Variants in DST observed in about 807,000 individuals in gnomAD.
DST encodes the protein dystonin, also known as bullous pemphigoid antigen.
Under a neutral mutation model 875.2 loss-of-function variants are expected in DST, and 253 were observed. That is an observed-to-expected ratio of 0.29 (90% CI 0.26 to 0.32). The LOEUF (loss-of-function observed/expected upper bound fraction) is 0.32. DST is among the 10% of genes least tolerant of loss of function. DST has a pLI of 1.00. For synonymous variants in DST, 3,124 were observed against 3,197.1 expected (o/e 0.98, Z 0.77); for missense variants, 8,287 against 9,111.6 (o/e 0.91, Z 3.68).
chr6:56,744,924 G>A (rs2099568225), intron 4 of DST, among the ~76,000 whole-genome samples: 1 of 152,080 alleles, frequency 6.6e-6, no homozygotes, highest in Non-Finnish European at 1.5e-5. Flanking sequence ...CATCATTATG[G>A]TTTATTTCTA....
chr6:56,891,194 A>G (rs1787222050), intron 3 of DST, among the ~76,000 whole-genome samples: 1 of 152,212 alleles, frequency 6.6e-6, no homozygotes, highest in Non-Finnish European at 1.5e-5. Context: ...CAAGGAGCCA[A>G]CAGCCTTCTC....
At chr6:56,630,670 G>A (rs772089722) in intron 30 of DST, among the ~76,000 whole-genome samples, 2 of 152,042 alleles carry the variant, frequency 1.3e-5, no homozygotes, top group Non-Finnish European at 2.9e-5. Flanking sequence ...TACAACTGCT[G>A]AGCTACCCAA....
intron 61 of DST, among the ~76,000 whole-genome samples, chr6:56,545,179 T>A (rs2097202783): frequency 2.0e-5 from 3 of 151,800 alleles, no homozygotes; most frequent in Admixed American, 6.6e-5. Context: ...ATTTTAAAAA[T>A]TTTTTGTGGA....
chr6:56,871,121 G>C lies in DST; in HGVS notation c.418-19517C>G, dbSNP rs574180068. 4 of 598,796 alleles carry C rather than the reference G, an allele frequency of 6.7e-6. No homozygotes were observed. In the Admixed American group the frequency reaches 1.1e-4, roughly 16 times the overall value. The allele number at this position is 598,796 out of a possible 1,614,324, so 37.1% of individuals were successfully genotyped here. On this transcript the variant is annotated intron_variant, in intron 3 of 103. Coordinates refer to ENST00000680361, the MANE Select transcript of DST (RefSeq NM_001374736.1). Reference sequence around the variant, plus strand: ...TATATGGCTAATAAACATACAAAAAGATATAAACATATGAAAAAATGTGTG... The same window carrying C: ...TATATGGCTAATAAACATACAAAAACATATAAACATATGAAAAAATGTGTG...
chr6:56,570,541 G>A (rs926157458), intron 53 of DST, among the ~76,000 whole-genome samples: 1 of 152,088 alleles, frequency 6.6e-6, no homozygotes, highest in Non-Finnish European at 1.5e-5. Flanking sequence ...CTGACAGGAG[G>A]CAGAGCTCAG....
At chr6:56,790,523 T>C (rs1299655898) in intron 4 of DST, among the ~76,000 whole-genome samples, 1 of 152,206 alleles carries the variant, frequency 6.6e-6, no homozygotes, top group Non-Finnish European at 1.5e-5. Context: ...TTTGGATACT[T>C]ACTTTATCTT....
intron 95 of DST, 35 bp from the exon 96 acceptor site, chr6:56,470,317 G>A: frequency 6.6e-7 from 1 of 1,524,620 alleles, no homozygotes; most frequent in Non-Finnish European, 8.9e-7. Context: ...GTAGTGACTT[G>A]TTAGTTCTTT....
chr6:56,836,744 G>A (rs896847554), intron 4 of DST, among the ~76,000 whole-genome samples: 44 of 150,726 alleles, frequency 2.9e-4, no homozygotes, highest in African/African-American at 8.5e-4. Context: ...CCAGCTACTC[G>A]GGAGGCTGAG....
At chr6:56,873,314 T>C (rs1778212087) in intron 3 of DST, among the ~76,000 whole-genome samples, 1 of 152,200 alleles carries the variant, frequency 6.6e-6, no homozygotes, top group Non-Finnish European at 1.5e-5. Flanking sequence ...TCTTTGTTGA[T>C]TGTTTCCTCT....
At chr6:56,476,065 G>A (rs1298071275) in intron 92 of DST, 84 bp downstream of exon 92, 10 of 1,200,522 alleles carry the variant, frequency 8.3e-6, no homozygotes, top group Non-Finnish European at 1.1e-5. Flanking sequence ...CGAGAACAAA[G>A]CAATGTTTTG....
In DST at chr6:56,602,915, A is replaced by G; in HGVS notation, c.11274T>C (p.Ser3758=). The change falls in exon 43 of 104, where the codon TCT becomes TCC. Residue 3758 remains serine, a synonymous_variant. Transcript: ENST00000680361. ...ACTCCAAACGTTTCTTTACATACTC[A>G]GAATCTTGAACATTCACAATCTCAA... ...KDIEIVNVQD[S]EYVKKRLEFL... The G allele has an allele frequency of 6.4e-7, 1 of 1,564,828 alleles. No individual in the cohort carries two copies. Among genetic ancestry groups the G allele is most frequent in the Non-Finnish European group, 8.6e-7 (1 of 1,164,268 alleles).
At position 56,647,705 on chromosome 6, in the gene DST, A is replaced by G. The variant is rs571959153; in HGVS notation, c.1554+865T>C. ...TTTGTAATGTTTTTTTTTTTTTTTG[A>G]GACGGAGTCTTGCTCTCTCGCCCAG... On this transcript the variant is annotated intron_variant, in intron 13 of 103. Coordinates refer to ENST00000680361, the MANE Select transcript of DST (RefSeq NM_001374736.1). 5.0e-5 allele frequency among the ~76,000 whole-genome samples: 7 copies of G among 139,284 alleles called. No individual in the cohort carries two copies. The South Asian group carries it at 1.5e-3, about 31-fold the overall frequency. The allele number at this position is 139,284 out of a possible 152,430, so 91.4% of individuals were successfully genotyped here.
Position 56,578,859 on chromosome 6 carries a change from T to C in DST, c.12982A>G (p.Arg4328Gly), listed in dbSNP as rs1164612062. The C allele has an allele frequency of 5.6e-6, 9 of 1,611,292 alleles. No individual in the cohort carries two copies. Among genetic ancestry groups the C allele is most frequent in the Non-Finnish European group, 7.6e-6 (9 of 1,178,818 alleles). ...TTCTTGGCTGGAAGTAAAGATCCCC[T>C]GGCATCTAAAAGCACTTCAGCCGTT... ...KKTAEVLLDA[R>G]GSLLPAKNDI... The change falls in exon 50 of 104, where the codon AGG (arginine) becomes GGG (glycine). Residue 4328 changes from arginine to glycine, a missense_variant. By Grantham distance (125) the Arg-to-Gly change is moderately radical (BLOSUM62 -2). Transcript: ENST00000680361.
intron 2 of DST, 22 bp downstream of exon 2, chr6:56,953,763 G>T: frequency 7.6e-7 from 1 of 1,310,618 alleles, no homozygotes; most frequent in East Asian, 5.3e-5. Flanking sequence ...CTGACCTTGA[G>T]CGTGCGCGCT....
chr6:56,617,020 T>C lies in DST; in HGVS notation c.4930-2536A>G, dbSNP rs2152731419. The C allele has an allele frequency of 2.5e-6, 4 of 1,612,628 alleles. No homozygotes were observed. In the South Asian group the frequency reaches 3.3e-5, roughly 13 times the overall value. ...CGGCCGCTGAGGCAAATGAAATCTT[T>C]TCTTTTGTAGATTCTAGGTAAAGCC... is the stretch of plus-strand genomic sequence containing the variant. On this transcript the variant is annotated intron_variant, in intron 36 of 103. Transcript: ENST00000680361.
chr6:56,589,278 A>G (rs1460552337), intron 49 of DST, among the ~76,000 whole-genome samples: 1 of 152,216 alleles, frequency 6.6e-6, no homozygotes, highest in African/African-American at 2.4e-5. Flanking sequence ...TTCTTCTCAA[A>G]ACATCACATG....
At chr6:56,517,107 GGAT>G in intron 71 of DST, 88 bp downstream of exon 71, 1 of 899,936 alleles carries the variant, frequency 1.1e-6, no homozygotes. Flanking sequence ...TGGCAGCTGT[GGAT>G]AACGGAGAAG....
Position 56,640,413 on chromosome 6 carries a change from G to C in DST, c.2220C>G (p.Ser740=). ...TSGLTQSLTP[S]LTSSSMTSGL... is the part of the protein sequence containing the mutation. ...CAGAAGTCATACTAGAAGAGGTTAGGGAAGGTGTTAAACTCTGGGTCAGCC... is the reference window on the plus strand; with the variant it reads ...CAGAAGTCATACTAGAAGAGGTTAGCGAAGGTGTTAAACTCTGGGTCAGCC... The change falls in exon 18 of 104, where the codon TCC becomes TCG. Residue 740 remains serine (S), a synonymous_variant. Coordinates refer to ENST00000680361, the MANE Select transcript of DST (RefSeq NM_001374736.1). 2 of 1,614,140 alleles carry C rather than the reference G, an allele frequency of 1.2e-6. No homozygotes were observed. Among genetic ancestry groups the C allele is most frequent in the Non-Finnish European group, 1.7e-6 (2 of 1,180,014 alleles).
At chr6:56,911,500 G>A (rs1490036981) in intron 2 of DST, among the ~76,000 whole-genome samples, 9 of 152,208 alleles carry the variant, frequency 5.9e-5, no homozygotes, top group African/African-American at 2.2e-4. Flanking sequence ...AGCAGCTAGT[G>A]GAGTGGAATG....
Sources: gnomAD v4.1 joint callset for allele counts (sites outside exome capture counted in the v4.1 genomes callset) on GRCh38, gnomAD v4.1.1 for gene constraint, MANE v1.5 for transcripts, NCBI Gene and HGNC (gene_info 2026-07-23, HGNC 2026-07-21) for gene names.